Variants in ADCY8 observed in about 807,000 individuals in gnomAD.
The protein encoded by ADCY8 is adenylate cyclase 8, also known as adenylate cyclase type 8.
In ADCY8, 51 loss-of-function variants were observed where a neutral mutation model predicts 119.7. The observed-to-expected ratio is 0.43, with a 90% CI of 0.34 to 0.54. The LOEUF is 0.54. Ranked by LOEUF, ADCY8 falls within the 20% of genes least tolerant of loss-of-function variation. The pLI is 0.03. For synonymous variants in ADCY8, 665 were observed against 651.0 expected (o/e 1.02, Z -0.33); for missense variants, 1,383 against 1,598.8 (o/e 0.87, Z 2.30).
intron 2 of ADCY8, among the ~76,000 whole-genome samples, chr8:130,954,896 G>A (rs1339076354): frequency 6.6e-6 from 1 of 152,178 alleles, no homozygotes; most frequent in Non-Finnish European, 1.5e-5. Context: ...GGAGCTAACA[G>A]TATGCAACAA....
At chr8:130,887,539 T>C (rs1225630849) in intron 7 of ADCY8, among the ~76,000 whole-genome samples, 1 of 152,174 alleles carries the variant, frequency 6.6e-6, no homozygotes, top group Admixed American at 6.6e-5. Context: ...TCTGATTATT[T>C]CCTCTGTCAA....
chr8:130,821,350 CATGGT>C lies in ADCY8; in HGVS notation c.2741_2745del (p.Tyr914TrpfsTer24). On this transcript the variant is annotated frameshift_variant, in exon 13 of 18. Coordinates refer to ENST00000286355, the MANE Select transcript of ADCY8 (RefSeq NM_001115.3). LOFTEE classifies it high-confidence loss of function. ...GCGAAATGTTAGATTACCTGCTGTC[CATGGT>C]AGAACACAGCCAGGAGGAACATGGC... 6.2e-7 allele frequency: 1 copy of C among 1,612,896 alleles called. No individual in the cohort carries two copies. Among genetic ancestry groups the C allele is most frequent in the Non-Finnish European group, 8.5e-7 (1 of 1,179,116 alleles).
intron 8 of ADCY8, among the ~76,000 whole-genome samples, chr8:130,871,963 T>C (rs1818376272): frequency 6.6e-6 from 1 of 151,802 alleles, no homozygotes; most frequent in African/African-American, 2.4e-5. Context: ...CACACGCACG[T>C]GCACACACAC....
intron 5 of ADCY8, among the ~76,000 whole-genome samples, chr8:130,913,102 C>T (rs967398624): frequency 1.3e-5 from 2 of 152,038 alleles, no homozygotes; most frequent in African/African-American, 4.8e-5. Flanking sequence ...TTATGGGGTA[C>T]ATGAGGTGTT....
intron 15 of ADCY8, among the ~76,000 whole-genome samples, chr8:130,792,323 A>G (rs1227055666): frequency 6.6e-6 from 1 of 151,968 alleles, no homozygotes; most frequent in Non-Finnish European, 1.5e-5. Context: ...CAGGCCTCAG[A>G]CCTCTTTTCT....
chr8:130,897,866 C>T lies in ADCY8; in HGVS notation c.1911+5906G>A, dbSNP rs200089374. On this transcript the variant is annotated intron_variant, in intron 7 of 17. Coordinates refer to ENST00000286355, the MANE Select transcript of ADCY8 (RefSeq NM_001115.3). Reference sequence around the variant, plus strand: ...ACATACATAATACACATATAAACACCACACACATACACCACATACATACCG... The same window carrying T: ...ACATACATAATACACATATAAACACTACACACATACACCACATACATACCG... Among the ~76,000 whole-genome samples, 394 of 150,204 alleles carry T rather than the reference C, an allele frequency of 2.6e-3. 2 individuals are homozygous for T. The highest frequency in any genetic ancestry group is 5.8e-3 in the Admixed American group (88 of 15,072).
rs369857754 is a variant in ADCY8 at position 130,832,440 on chromosome 8, T to G, written c.2675+3837A>C. Among the ~76,000 whole-genome samples, 4 of 152,216 alleles carry G rather than the reference T, an allele frequency of 2.6e-5. No homozygotes were observed. The East Asian group carries it at 7.7e-4, about 29-fold the overall frequency. On this transcript the variant is annotated intron_variant, in intron 12 of 17. Transcript: ENST00000286355. Reference sequence around the variant, plus strand: ...CAACCAGCAAAAACTATTCTTGAACTATTGTGAACTCCTAAAGTGTTGGTT... The same window carrying G: ...CAACCAGCAAAAACTATTCTTGAACGATTGTGAACTCCTAAAGTGTTGGTT...
rs1439307779 is a variant in ADCY8, at chr8:131,013,901, TTC to T, written c.961-23361_961-23360del. 4.6e-5 allele frequency among the ~76,000 whole-genome samples: 7 copies of T among 152,196 alleles called. No homozygotes were observed. The South Asian group carries it at 6.2e-4, about 14-fold the overall frequency. The stretch of plus-strand genomic sequence containing the variant: ...CTCCTTCAGAGAAGTCCATTATATA[TTC>T]TGTTATACTTTACCAAAAAAGTGTG... On this transcript the variant is annotated intron_variant, in intron 1 of 17. Transcript: ENST00000286355.
At chr8:130,966,302 C>T (rs1032684636) in intron 2 of ADCY8, among the ~76,000 whole-genome samples, 11 of 152,152 alleles carry the variant, frequency 7.2e-5, no homozygotes, top group Non-Finnish European at 1.0e-4. Flanking sequence ...CAGTTTCAGT[C>T]TTAACATGTC....
intron 15 of ADCY8, among the ~76,000 whole-genome samples, chr8:130,794,531 C>T (rs181857855): frequency 7.2e-5 from 11 of 152,314 alleles, no homozygotes; most frequent in Admixed American, 6.5e-4. Context: ...GCATGAGCCA[C>T]GACGGCCAGC....
intron 1 of ADCY8, among the ~76,000 whole-genome samples, chr8:131,017,648 T>G (rs993698637): frequency 6.6e-5 from 10 of 152,174 alleles, no homozygotes; most frequent in Admixed American, 5.2e-4. Flanking sequence ...TCAGGGGCTG[T>G]GCTCACTGAT....
chr8:131,028,315 A>G (rs1823883767), intron 1 of ADCY8, among the ~76,000 whole-genome samples: 1 of 152,254 alleles, frequency 6.6e-6, no homozygotes, highest in Admixed American at 6.5e-5. Flanking sequence ...GCTGCGTATC[A>G]TGTCATAATT....
chr8:130,927,912 T>C (rs1022686723), intron 5 of ADCY8, among the ~76,000 whole-genome samples: 1 of 152,178 alleles, frequency 6.6e-6, no homozygotes, highest in African/African-American at 2.4e-5. Flanking sequence ...CAACTTTTTA[T>C]TGTTTAAAAA....
At chr8:130,923,781 TTAAG>T (rs778281644) in intron 5 of ADCY8, among the ~76,000 whole-genome samples, 3 of 152,228 alleles carry the variant, frequency 2.0e-5, no homozygotes, top group Non-Finnish European at 4.4e-5. Flanking sequence ...TGAGATGACA[TTAAG>T]TGTTTCATTG....
intron 15 of ADCY8, among the ~76,000 whole-genome samples, chr8:130,795,298 G>A (rs972150305): frequency 6.6e-6 from 1 of 152,138 alleles, no homozygotes; most frequent in Admixed American, 6.5e-5. Context: ...GTGAGAAAGG[G>A]GAGACAGGAC....
At chr8:130,871,509 A>G (rs1278316805) in intron 8 of ADCY8, among the ~76,000 whole-genome samples, 1 of 152,214 alleles carries the variant, frequency 6.6e-6, no homozygotes, top group Non-Finnish European at 1.5e-5. Flanking sequence ...TAATATATAT[A>G]AGATGCTTAG....
intron 8 of ADCY8, among the ~76,000 whole-genome samples, chr8:130,870,472 G>C (rs1217513157): frequency 1.3e-5 from 2 of 152,106 alleles, no homozygotes; most frequent in Non-Finnish European, 1.5e-5. Flanking sequence ...AATGTCTGTT[G>C]ATTATCATCC....
intron 2 of ADCY8, among the ~76,000 whole-genome samples, chr8:130,972,961 A>G (rs1402594943): frequency 6.6e-6 from 1 of 152,098 alleles, no homozygotes; most frequent in Non-Finnish European, 1.5e-5. Context: ...TGACAACTAG[A>G]GTCACTAACA....
At chr8:130,952,528 G>A (rs1445236553) in intron 2 of ADCY8, among the ~76,000 whole-genome samples, 2 of 151,906 alleles carry the variant, frequency 1.3e-5, no homozygotes, top group South Asian at 2.1e-4. Flanking sequence ...TGGCTGGAGG[G>A]TGGTGATAGC....
Sources: allele counts gnomAD v4.1 joint callset (sites outside exome capture counted in the v4.1 genomes callset), GRCh38; gene constraint gnomAD v4.1.1; transcripts MANE v1.5; gene names NCBI Gene and HGNC (gene_info 2026-07-23, HGNC 2026-07-21).